The following TYW1 variants were observed in gnomAD, a reference collection of about 807,000 sequenced individuals.
TYW1 encodes tRNA-yW synthesizing protein 1 homolog, also known as S-adenosyl-L-methionine-dependent tRNA 4-demethylwyosine synthase TYW1.
In TYW1, 46 loss-of-function variants were observed where a neutral mutation model predicts 96.2. The observed-to-expected ratio is 0.48, with a 90% CI of 0.38 to 0.61. The LOEUF (loss-of-function observed/expected upper bound fraction) is 0.61. Ranked by LOEUF, TYW1 falls within the 20% of genes least tolerant of loss-of-function variation. The pLI is 0.00. For missense variants in TYW1, 684 were observed against 909.6 expected, an observed-to-expected ratio of 0.75 and a Z score of 3.19; for synonymous variants, 274 against 323.0, an observed-to-expected ratio of 0.85 and a Z score of 1.63.
At chr7:67,006,948 C>CTTTTTT (rs34475001) in intron 3 of TYW1, among the ~76,000 whole-genome samples, 4,519 of 45,128 alleles carry the variant, frequency 0.1, 719 homozygotes, top group Admixed American at 0.13. Context: ...AGATGTGAGG[C>CTTTTTT]TTTTTTTTTT....
chr7:67,079,169 GAGGTGTGTGTGTGTGT>G (rs1796303849), intron 10 of TYW1, among the ~76,000 whole-genome samples: 1 of 110,070 alleles, frequency 9.1e-6, no homozygotes, highest in African/African-American at 3.2e-5. Flanking sequence ...ATTCGTGTGA[GAGGTGTGTGTGTGTGT>G]GTGTGTGTGT....
At chr7:67,056,587 C>T (rs528982092) in intron 9 of TYW1, among the ~76,000 whole-genome samples, 1 of 151,910 alleles carries the variant, frequency 6.6e-6, no homozygotes, top group South Asian at 2.1e-4. Flanking sequence ...TTTTGAGATG[C>T]ATCCGTGTCG....
intron 15 of TYW1, among the ~76,000 whole-genome samples, chr7:67,216,390 A>G (rs1266483159): frequency 7.4e-6 from 1 of 135,460 alleles, no homozygotes; most frequent in Non-Finnish European, 1.6e-5. Context: ...TAATCCTATC[A>G]TTGTCACTAT....
At chr7:67,034,830 A>G (rs28599731) in intron 7 of TYW1, among the ~76,000 whole-genome samples, 10,374 of 152,272 alleles carry the variant, frequency 0.068, 1,166 homozygotes, top group African/African-American at 0.24. Context: ...CCGAAGAATA[A>G]ATTCCTAAAA....
intron 8 of TYW1, 63 bp from the exon 9 acceptor site, chr7:67,055,772 A>G (rs150882567): frequency 1.6e-5 from 23 of 1,428,564 alleles, no homozygotes; most frequent in Non-Finnish European, 2.0e-5. Flanking sequence ...TAAATTTTAA[A>G]GTCACTTTTT....
At chr7:67,112,100 C>CAAAAAA (rs538839042) in intron 12 of TYW1, among the ~76,000 whole-genome samples, 39 of 94,824 alleles carry the variant, frequency 4.1e-4, no homozygotes, top group South Asian at 1.4e-3. Flanking sequence ...CTCTGTCTGA[C>CAAAAAA]AAAAAAAAAA....
At chr7:67,158,692 A>C (rs4436004) in intron 13 of TYW1, among the ~76,000 whole-genome samples, 39,341 of 151,620 alleles carry the variant, frequency 0.26, 5,559 homozygotes, top group African/African-American at 0.38. Flanking sequence ...GCCTCAGCCT[A>C]CCGTGTAGCT....
intron 12 of TYW1, among the ~76,000 whole-genome samples, chr7:67,110,850 A>G (rs1052414171): frequency 1.3e-5 from 2 of 152,036 alleles, no homozygotes; most frequent in Non-Finnish European, 2.9e-5. Flanking sequence ...ACAAAAAATT[A>G]AAACATTAGC....
chr7:67,073,065 T>G (rs1796084349), intron 10 of TYW1, among the ~76,000 whole-genome samples: 1 of 149,684 alleles, frequency 6.7e-6, no homozygotes, highest in African/African-American at 2.5e-5. Flanking sequence ...ATTATAGGCG[T>G]GGGCTACCAT....
rs1801978399 is a variant in TYW1, at chr7:67,238,923, G to A, written c.*394G>A. On this transcript the variant is annotated 3_prime_UTR_variant, in exon 16 of 16. Coordinates refer to ENST00000359626, the MANE Select transcript of TYW1 (RefSeq NM_018264.4). ...CCCTTACCCGGCCCTTAGATTTCAT[G>A]GAGCAGCCACTTAGCATTGAATTGC... 1 of 1,041,640 alleles carries A rather than the reference G, an allele frequency of 9.6e-7. No homozygotes were observed. Among genetic ancestry groups the A allele is most frequent in the Non-Finnish European group, 1.2e-6 (1 of 861,960 alleles). 64.5% of individuals were successfully genotyped at this position (1,041,640 alleles called of 1,614,324 possible).
chr7:67,087,271 G>T (rs971912157), intron 11 of TYW1, among the ~76,000 whole-genome samples: 1 of 152,190 alleles, frequency 6.6e-6, no homozygotes, highest in African/African-American at 2.4e-5. Context: ...TGAGGGTCCT[G>T]TCCTGTGCAG....
chr7:67,091,501 CAT>C (rs1343112305), intron 11 of TYW1, among the ~76,000 whole-genome samples: 1 of 152,130 alleles, frequency 6.6e-6, no homozygotes. Flanking sequence ...CAACGTGGCA[CAT>C]GTTTACATAT....
At chr7:67,167,104 A>G (rs1199457133) in intron 13 of TYW1, among the ~76,000 whole-genome samples, 1 of 152,128 alleles carries the variant, frequency 6.6e-6, no homozygotes, top group Non-Finnish European at 1.5e-5. Context: ...ATGACTTTTG[A>G]TAAGAAGTAG....
chr7:67,069,548 G>A (rs1795969448), intron 10 of TYW1, among the ~76,000 whole-genome samples: 1 of 152,140 alleles, frequency 6.6e-6, no homozygotes, highest in Admixed American at 6.6e-5. Flanking sequence ...AGACCTGTCT[G>A]GGTAACATGA....
chr7:67,149,776 C>CTATCTATCTA (rs1563041677), intron 13 of TYW1, among the ~76,000 whole-genome samples: 164 of 55,602 alleles, frequency 2.9e-3, no homozygotes, highest in Non-Finnish European at 4.5e-3. Flanking sequence ...CTATCTATCT[C>CTATCTATCTA]TCTATGTTAA....
chr7:67,033,449 C>T (rs986094575), intron 7 of TYW1, among the ~76,000 whole-genome samples: 2 of 152,122 alleles, frequency 1.3e-5, no homozygotes, highest in Admixed American at 6.6e-5. Context: ...ATTTCCTAGG[C>T]GGCAGCCGTA....
chr7:67,205,390 G>A (rs925411498), intron 15 of TYW1, among the ~76,000 whole-genome samples: 2 of 152,028 alleles, frequency 1.3e-5, no homozygotes, highest in South Asian at 2.1e-4. Context: ...TGGAGGCGGG[G>A]GGGGGGCCTT....
At chr7:67,128,889 A>G (rs1797983166) in intron 13 of TYW1, among the ~76,000 whole-genome samples, 1 of 151,992 alleles carries the variant, frequency 6.6e-6, no homozygotes, top group Admixed American at 6.6e-5. Flanking sequence ...GGGTTTTACC[A>G]TGTTGGGCAG....
intron 7 of TYW1, 38 bp downstream of exon 7, chr7:67,025,060 C>A (rs377287685): frequency 6.2e-7 from 1 of 1,611,912 alleles, no homozygotes; most frequent in African/African-American, 1.3e-5. Flanking sequence ...TTGGCTCCCG[C>A]AGTTGGTTAA....
Sources: allele counts gnomAD v4.1 joint callset (sites outside exome capture counted in the v4.1 genomes callset), GRCh38; gene constraint gnomAD v4.1.1; transcripts MANE v1.5; gene names NCBI Gene and HGNC (gene_info 2026-07-23, HGNC 2026-07-21).